FRMD7: variants seen among roughly 807,000 people sequenced by gnomAD.
The protein encoded by FRMD7 is FERM domain containing 7, also known as FERM domain-containing protein 7.
A neutral mutation model predicts 44.1 loss-of-function variants in FRMD7; 14 were observed. That is an observed-to-expected ratio of 0.32 (90% CI 0.21 to 0.50). The LOEUF (loss-of-function observed/expected upper bound fraction) is 0.50, where lower values mean the gene tolerates loss of function less well. Ranked by LOEUF, FRMD7 falls within the 20% of genes least tolerant of loss-of-function variation. The probability of loss-of-function intolerance (pLI) is 0.99; values close to 1 mark genes in which losing one functional copy is unlikely to be tolerated. For missense variants in FRMD7, 501 were observed against 522.3 expected (o/e 0.96, Z 0.40); for synonymous variants, 212 against 187.4 (o/e 1.13, Z -1.07).
chrX:132,077,552 C>G lies in FRMD7; in HGVS notation c.*320G>C, dbSNP rs1602788256. 1.5e-5 allele frequency: 4 copies of G among 273,628 alleles called. No homozygotes were observed. In the East Asian group the frequency reaches 2.9e-4, roughly 20 times the overall value. 22.6% of individuals were successfully genotyped at this position (273,628 alleles called of 1,213,427 possible). A position where few individuals can be genotyped will look rare whatever the true frequency, so the allele number is the denominator to read the frequency against. On this transcript the variant is annotated 3_prime_UTR_variant, in exon 12 of 12. Coordinates refer to ENST00000298542, the MANE Select transcript of FRMD7 (RefSeq NM_194277.3). ...TATGCCAACCCATACTGTCACCATT[C>G]TTCAGCATTGAAGAGCCTGACCTTC...
Position 132,078,400 on chromosome X carries a change from T to G in FRMD7, c.1617A>C (p.Arg539Ser), listed in dbSNP as rs759297206. ...GCAGGTCTTGCTGAAAGCTCTTCATTCTGATATTCCTTGGGCTTCTTTCAG... is the reference window on the plus strand; with the variant it reads ...GCAGGTCTTGCTGAAAGCTCTTCATGCTGATATTCCTTGGGCTTCTTTCAG... ...KPAERSPRNI[R>S]MKSFQQDLQV... is the part of the protein sequence containing the mutation. Residue 539 changes from arginine to serine, a missense_variant, in exon 12 of 12, where the codon AGA becomes AGC. Around this residue, in one of 3 missense-constraint regions of FRMD7, gnomAD observed 453 missense variants for 452.7 expected, o/e 1.00. Transcript: ENST00000298542. 2 of 1,211,630 alleles carry G rather than the reference T, an allele frequency of 1.7e-6. No individual in the cohort carries two copies. The highest frequency in any genetic ancestry group is 3.5e-5 in the South Asian group (2 of 56,977).
intron 1 of FRMD7, among the ~76,000 whole-genome samples, chrX:132,126,187 C>T (rs1382611156): frequency 9.0e-6 from 1 of 111,290 alleles, no homozygotes; most frequent in South Asian, 3.8e-4. Flanking sequence ...GCTTCTAACT[C>T]CTCTGGACAA....
chrX:132,095,461 T>G lies in FRMD7; in HGVS notation c.285-1322A>C, dbSNP rs772780411. ...GCATTTCCCTATAAAAATGTGATTT[T>G]CTAAATAAAGGTCTATGTGTACTTT... On this transcript the variant is annotated intron_variant, in intron 4 of 11. Coordinates refer to ENST00000298542, the MANE Select transcript of FRMD7 (RefSeq NM_194277.3). Among the ~76,000 whole-genome samples the G allele has an allele frequency of 8.0e-5, 9 of 111,967 alleles. No individual in the cohort carries two copies. In the East Asian group the frequency reaches 1.1e-3, roughly 14 times the overall value.
intron 1 of FRMD7, among the ~76,000 whole-genome samples, chrX:132,121,234 A>C (rs1392304413): frequency 8.9e-6 from 1 of 111,871 alleles, no homozygotes; most frequent in Non-Finnish European, 1.9e-5. Flanking sequence ...CCATCTAATC[A>C]ATGTCCAGAC....
chrX:132,090,568 G>A (rs1429092759), intron 5 of FRMD7, among the ~76,000 whole-genome samples: 2 of 111,258 alleles, frequency 1.8e-5, no homozygotes, highest in Non-Finnish European at 3.8e-5. Flanking sequence ...GGAACAGGGC[G>A]TGACTGCAAG....
intron 1 of FRMD7, among the ~76,000 whole-genome samples, chrX:132,127,319 C>T (rs987030172): frequency 2.7e-5 from 3 of 111,737 alleles, no homozygotes; most frequent in African/African-American, 6.5e-5. Context: ...CTTGTCATTC[C>T]TTCCTGAAGT....
chrX:132,091,975 C>T (rs1928190020), intron 5 of FRMD7, among the ~76,000 whole-genome samples: 1 of 112,452 alleles, frequency 8.9e-6, no homozygotes, highest in African/African-American at 3.2e-5. Context: ...TTGCTCTTAT[C>T]ACCTGCTACC....
intron 1 of FRMD7, among the ~76,000 whole-genome samples, chrX:132,104,616 C>T (rs1051244687): frequency 6.3e-5 from 7 of 111,372 alleles, no homozygotes; most frequent in Admixed American, 5.7e-4. Context: ...TGGTGTGAAC[C>T]CGGGAGGCGG....
At chrX:132,113,865 T>C (rs928202428) in intron 1 of FRMD7, among the ~76,000 whole-genome samples, 4 of 111,189 alleles carry the variant, frequency 3.6e-5, no homozygotes, top group Non-Finnish European at 7.5e-5. Flanking sequence ...TGCTATCAAA[T>C]AGCAGGTTTT....
chrX:132,116,981 C>T (rs924044913), intron 1 of FRMD7, among the ~76,000 whole-genome samples: 6 of 111,915 alleles, frequency 5.4e-5, no homozygotes, highest in African/African-American at 2.0e-4. Context: ...CTGTTTGCAC[C>T]ACTCACTGTT....
chrX:132,120,835 C>T lies in FRMD7; in HGVS notation c.57+6953G>A, dbSNP rs188126186. ...TCAATTTATTCTCCAAAGCAACAAA[C>T]CTCAGGATATGAACGACAGAGGAAG... On this transcript the variant is annotated intron_variant, in intron 1 of 11. Transcript: ENST00000298542. 5.3e-5 allele frequency among the ~76,000 whole-genome samples: 6 copies of T among 112,416 alleles called. No homozygotes were observed. In the East Asian group the frequency reaches 1.7e-3, roughly 32 times the overall value.
intron 5 of FRMD7, 149 bp from the exon 6 acceptor site, chrX:132,086,183 T>C: frequency 2.0e-6 from 1 of 492,838 alleles, no homozygotes; most frequent in Non-Finnish European, 3.6e-6. Flanking sequence ...TGTATATTTA[T>C]GTTTCTATAG....
Position 132,078,950 on chromosome X carries a change from A to G in FRMD7, c.1067T>C (p.Leu356Pro). ...DVSKQVEDLR[L>P]AYGGGYYQNV... ...TTGGTAGTAGCCACCACCATATGCT[A>G]GTCTCAAATCTTCCACCTTGAGAGA... Residue 356 changes from leucine to proline, a missense_variant, in exon 12 of 12, where the codon CTA becomes CCA. Leu to Pro is a moderately conservative substitution (Grantham distance 98). Coordinates refer to ENST00000298542, the MANE Select transcript of FRMD7 (RefSeq NM_194277.3). 1 of 1,209,155 alleles carries G rather than the reference A, an allele frequency of 8.3e-7. No individual in the cohort carries two copies. The highest frequency in any genetic ancestry group is 1.1e-6 in the Non-Finnish European group (1 of 893,288).
chrX:132,127,830 T>G lies in FRMD7; in HGVS notation c.15A>C (p.Lys5Asn), dbSNP rs763708556. ...TCTGGGAATCATCCAAAAACTGCAC[T>G]TTTAAATGTAGCATTCTCAGCGAGG... MLHL[K>N]VQFLDDSQKI... The change falls in exon 1 of 12, where the codon AAA (lysine) becomes AAC (asparagine). Residue 5 changes from lysine (K) to asparagine (N), a missense_variant. By Grantham distance (94) the Lys-to-Asn change is moderately conservative (BLOSUM62 0). Coordinates refer to ENST00000298542, the MANE Select transcript of FRMD7 (RefSeq NM_194277.3). The G allele has an allele frequency of 1.7e-6, 2 of 1,209,389 alleles. No homozygotes were observed. The highest frequency in any genetic ancestry group is 3.5e-5 in the South Asian group (2 of 56,954).
intron 7 of FRMD7, 121 bp downstream of exon 7, chrX:132,085,460 T>G (rs1206541382): frequency 3.5e-5 from 21 of 594,588 alleles, no homozygotes; most frequent in Non-Finnish European, 5.8e-5. Context: ...ATTGACCATT[T>G]CCCTTTCTGG....
rs200444981 is a variant in FRMD7 at position 132,103,221 on chromosome X, C to CA, written c.58-2506_58-2505insT. 6.0e-3 allele frequency among the ~76,000 whole-genome samples: 671 copies of CA among 111,964 alleles called. 5 individuals are homozygous for CA. Among genetic ancestry groups the CA allele is most frequent in the African/African-American group, 0.021 (648 of 30,849 alleles). The stretch of plus-strand genomic sequence containing the variant: ...CTTTAATTTTTTCTACCATTATGAT[C>CA]GAATTTCTCAATTTTGGTGTTATGT... On this transcript the variant is annotated intron_variant, in intron 1 of 11. Coordinates refer to ENST00000298542, the MANE Select transcript of FRMD7 (RefSeq NM_194277.3).
intron 1 of FRMD7, among the ~76,000 whole-genome samples, chrX:132,116,045 T>C (rs918071147): frequency 7.2e-5 from 8 of 111,672 alleles, no homozygotes; most frequent in Non-Finnish European, 3.8e-5. Context: ...ATTATTACTC[T>C]AACACATGAA....
rs905092699 is a variant in FRMD7 at position 132,101,524 on chromosome X, T to A, written c.58-808A>T. Among the ~76,000 whole-genome samples the A allele has an allele frequency of 4.5e-5, 5 of 112,175 alleles. No homozygotes were observed. The Admixed American group carries it at 4.7e-4, about 11-fold the overall frequency. On this transcript the variant is annotated intron_variant, in intron 1 of 11. Transcript: ENST00000298542. ...TATCTTCCCCATTAGACTGAATTCC[T>A]CCATAGCAGGGACTTTGCTTTATTT... is the stretch of plus-strand genomic sequence containing the variant.
chrX:132,127,927 G>C lies in FRMD7; in HGVS notation c.-83C>G. The C allele has an allele frequency of 1.6e-5, 13 of 800,372 alleles. No individual in the cohort carries two copies. Among genetic ancestry groups the C allele is most frequent in the Non-Finnish European group, 2.5e-5 (13 of 522,185 alleles). 66.0% of individuals were successfully genotyped at this position (800,372 alleles called of 1,213,427 possible). Reference sequence around the variant, plus strand: ...GGAATTTCACTCCCAGCTGGATGTGGTGCACTCGGGCCCCCCCACCCCCAG... The same window carrying C: ...GGAATTTCACTCCCAGCTGGATGTGCTGCACTCGGGCCCCCCCACCCCCAG... On this transcript the variant is annotated 5_prime_UTR_variant, in exon 1 of 12. Transcript: ENST00000298542.
Sources: gnomAD v4.1 joint callset for allele counts (sites outside exome capture counted in the v4.1 genomes callset) on GRCh38, gnomAD v4.1.1 for gene constraint, gnomAD v4.1.1 regional missense constraint, MANE v1.5 for transcripts, NCBI Gene and HGNC (gene_info 2026-07-23, HGNC 2026-07-21) for gene names.